The following STRADA variants were observed in gnomAD, a reference collection of about 807,000 sequenced individuals.
The protein encoded by STRADA is STE20-related kinase adapter protein alpha.
Under a neutral mutation model 55.0 loss-of-function variants are expected in STRADA, and 26 were observed. The ratio of observed to expected loss-of-function variants is 0.47; its 90% CI spans 0.35 to 0.66. The LOEUF (loss-of-function observed/expected upper bound fraction) is 0.66. STRADA is among the 30% of genes least tolerant of loss of function. The probability of loss-of-function intolerance (pLI) is 0.01; values close to 1 mark genes in which losing one functional copy is unlikely to be tolerated. For synonymous variants in STRADA, 197 were observed against 210.9 expected, an observed-to-expected ratio of 0.93 and a Z score of 0.57; for missense variants, 443 against 549.7, an observed-to-expected ratio of 0.81 and a Z score of 1.94.
chr17:63,725,018 T>C (rs57108948), intron 3 of STRADA, among the ~76,000 whole-genome samples: 106,330 of 151,864 alleles, frequency 0.7, 38,659 homozygotes, highest in African/African-American at 0.92. Flanking sequence ...TCCCTGACCT[T>C]GTGATCCGCC....
intron 6 of STRADA, chr17:63,712,636 AG>A (rs897588698): frequency 6.6e-6 from 1 of 151,728 alleles, no homozygotes; most frequent in African/African-American, 2.4e-5. Context: ...TGAGCCCAGG[AG>A]GTTAAGGCTG....
intron 6 of STRADA, 40 bp from the exon 7 acceptor site, chr17:63,710,876 A>AT: frequency 6.3e-7 from 1 of 1,574,966 alleles, no homozygotes; most frequent in Non-Finnish European, 8.7e-7. Flanking sequence ...ACCAAATGGC[A>AT]CTGAAGGATG....
intron 1 of STRADA, among the ~76,000 whole-genome samples, chr17:63,738,101 G>C (rs2038580847): frequency 6.6e-6 from 1 of 152,026 alleles, no homozygotes; most frequent in Non-Finnish European, 1.5e-5. Context: ...CCAGCACCTT[G>C]GGAGGCCGAG....
chr17:63,713,222 A>AATATAAATTAGGCTGAGCAGCATTT (rs555698136), intron 6 of STRADA, among the ~76,000 whole-genome samples, 184 bp downstream of exon 6: 98 of 152,314 alleles, frequency 6.4e-4, no homozygotes, highest in African/African-American at 2.3e-3. Flanking sequence ...AGAAAAGGGA[A>AATATAAATTAGGCTGAGCAGCATTT]ATATAAATTA....
At chr17:63,733,761 C>T (rs2038231422) in intron 1 of STRADA, among the ~76,000 whole-genome samples, 1 of 152,190 alleles carries the variant, frequency 6.6e-6, no homozygotes, top group South Asian at 2.1e-4. Context: ...TTCTGGGAGT[C>T]CAGTTTTGAT....
At chr17:63,716,704 G>T (rs2036913272) in intron 4 of STRADA, among the ~76,000 whole-genome samples, 1 of 152,136 alleles carries the variant, frequency 6.6e-6, no homozygotes, top group Non-Finnish European at 1.5e-5. Context: ...ACTCTCTCAT[G>T]GAGGATCACA....
At position 63,704,038 on chromosome 17, in the gene STRADA, G is replaced by C; in HGVS notation, c.1110C>G (p.Ala370=). 6.2e-7 allele frequency: 1 copy of C among 1,613,934 alleles called. No homozygotes were observed. Among genetic ancestry groups the C allele is most frequent in the Non-Finnish European group, 8.5e-7 (1 of 1,179,892 alleles). ...AGAAAGAGTGGTTCAGGAGGGTGCT[G>C]GCACTGGGCCTGGAGGGAAAGGGGA... The part of the protein sequence containing the change: ...LQRNPDARPS[A]STLLNHSFFK... Residue 370 remains alanine (A), a synonymous_variant, in exon 12 of 13, where the codon GCC becomes GCG. Transcript: ENST00000336174.
chr17:63,705,271 C>T (rs1302592471), intron 10 of STRADA: 1 of 331,570 alleles, frequency 3.0e-6, no homozygotes, highest in Non-Finnish European at 5.7e-6. Context: ...TTCAGTCCCA[C>T]AGTCTCACTG....
rs993510642 is a variant in STRADA at position 63,714,017 on chromosome 17, A to T, written c.215T>A (p.Leu72His). 24 of 1,613,564 alleles carry T rather than the reference A, an allele frequency of 1.5e-5. No individual in the cohort carries two copies. The highest frequency in any genetic ancestry group is 1.9e-5 in the Non-Finnish European group (22 of 1,179,636). The change falls in exon 5 of 13, where the codon CTC becomes CAC. Residue 72 changes from leucine to histidine, a missense_variant. Physicochemically the swap from Leu to His is moderately conservative, Grantham distance 99. Coordinates refer to ENST00000336174, the MANE Select transcript of STRADA (RefSeq NM_001003787.4). The stretch of plus-strand genomic sequence containing the variant: ...GCCCCTGCACATACCTATCACAGTG[A>T]GCAGCTCGTAACACCCTCCCTCTGG... ...FLPEGGCYEL[L>H]TVIGKGFEDL...
In STRADA at chr17:63,706,651, T is replaced by C. The variant is rs1223055667; in HGVS notation, c.842A>G (p.Asp281Gly). ...ELANGHVPFK[D>G]MPATQMLLEK... is the part of the protein sequence containing the mutation. ...CAGGCTTACCTGGGTGGCAGGCATA[T>C]CCTTAAAGGGGACATGGCCGTTGGC... Residue 281 changes from aspartate to glycine, a missense_variant, in exon 10 of 13, where the codon GAT (aspartate) becomes GGT (glycine). Transcript: ENST00000336174. 1.2e-6 allele frequency: 2 copies of C among 1,613,164 alleles called. No homozygotes were observed. Among genetic ancestry groups the C allele is most frequent in the South Asian group, 2.2e-5 (2 of 90,944 alleles).
intron 8 of STRADA, 36 bp from the exon 9 acceptor site, chr17:63,707,454 G>A (rs369861138): frequency 2.2e-5 from 35 of 1,603,678 alleles, no homozygotes; most frequent in Non-Finnish European, 2.8e-5. Flanking sequence ...TCGAGAGCAG[G>A]AGCCCCTCCT....
In STRADA at chr17:63,739,872, C is replaced by A. The variant is rs143932794; in HGVS notation, c.-45+1869G>T. On this transcript the variant is annotated intron_variant, in intron 1 of 12. Transcript: ENST00000336174. ...ATGTACATAATTATATGGCCCGGGA[C>A]GGCTGCTCCGACGAAGGCCCGGGCC... Among the ~76,000 whole-genome samples, 232 of 133,698 alleles carry A rather than the reference C, an allele frequency of 1.7e-3. 1 individual carries two copies. The highest frequency in any genetic ancestry group is 3.7e-3 in the Middle Eastern group (1 of 268). 87.7% of individuals were successfully genotyped at this position (133,698 alleles called of 152,430 possible).
chr17:63,713,820 TG>T (rs1203062576), intron 5 of STRADA, among the ~76,000 whole-genome samples, 185 bp downstream of exon 5: 2 of 152,178 alleles, frequency 1.3e-5, no homozygotes, highest in African/African-American at 4.8e-5. Flanking sequence ...GCTTCTTTCC[TG>T]GAAGTTTGAT....
intron 4 of STRADA, among the ~76,000 whole-genome samples, 173 bp downstream of exon 4, chr17:63,723,125 A>T (rs945837410): frequency 2.0e-5 from 3 of 152,160 alleles, no homozygotes; most frequent in African/African-American, 7.2e-5. Flanking sequence ...TACACATCCA[A>T]ATTTTTCCAG....
intron 1 of STRADA, among the ~76,000 whole-genome samples, chr17:63,740,898 ATC>A (rs2038892112): frequency 6.6e-6 from 1 of 152,190 alleles, no homozygotes; most frequent in South Asian, 2.1e-4. Context: ...TTGGCAGGTG[ATC>A]AAATTTGGTT....
At chr17:63,732,650 C>T (rs2038149804) in intron 1 of STRADA, among the ~76,000 whole-genome samples, 1 of 152,090 alleles carries the variant, frequency 6.6e-6, no homozygotes, top group Non-Finnish European at 1.5e-5. Context: ...TAAAAATTAG[C>T]CAGGCATGGT....
chr17:63,736,841 C>A lies in STRADA; in HGVS notation c.-45+4900G>T, dbSNP rs866657663. 5.0e-4 allele frequency among the ~76,000 whole-genome samples: 68 copies of A among 135,670 alleles called. 1 individual carries two copies. Among genetic ancestry groups the A allele is most frequent in the Middle Eastern group, 3.7e-3 (1 of 272 alleles). 89.0% of individuals were successfully genotyped at this position (135,670 alleles called of 152,430 possible). ...GTGGCCTATTTCTTCCCCCCACGCC[C>A]CCCCCACCAAAAAAAAATCAAGCAG... is the stretch of plus-strand genomic sequence containing the variant. On this transcript the variant is annotated intron_variant, in intron 1 of 12. Transcript: ENST00000336174.
chr17:63,705,569 C>A, intron 10 of STRADA: 1 of 155,286 alleles, frequency 6.4e-6, no homozygotes, highest in South Asian at 2.0e-4. Context: ...CCATCTTATG[C>A]TGTCACTCCT....
chr17:63,708,356 C>G (rs559966317), intron 8 of STRADA, among the ~76,000 whole-genome samples: 1 of 151,698 alleles, frequency 6.6e-6, no homozygotes, highest in African/African-American at 2.4e-5. Context: ...CATGCCACCA[C>G]ATCCAGCCAG....
Sources: allele counts gnomAD v4.1 joint callset (sites outside exome capture counted in the v4.1 genomes callset), GRCh38; gene constraint gnomAD v4.1.1; transcripts MANE v1.5; gene names NCBI Gene and HGNC (gene_info 2026-07-23, HGNC 2026-07-21).